The following NEU1 variants were observed in gnomAD, a reference collection of about 807,000 sequenced individuals.
NEU1 encodes sialidase-1.
In NEU1, 32 loss-of-function variants were observed where a neutral mutation model predicts 38.3. The observed-to-expected ratio is 0.84, with a 90% CI of 0.63 to 1.12. The LOEUF (loss-of-function observed/expected upper bound fraction) is 1.12, where lower values mean the gene tolerates loss of function less well. Ranked by LOEUF, NEU1 falls within the 50% of genes most tolerant of loss-of-function variation. The pLI is 0.00. For synonymous variants in NEU1, 192 were observed against 225.2 expected (o/e 0.85, Z 1.32); for missense variants, 431 against 549.2 (o/e 0.78, Z 2.15).
chr6:31,859,537 G>C lies in NEU1; in HGVS notation c.*182C>G, dbSNP rs760900427. On this transcript the variant is annotated 3_prime_UTR_variant, in exon 6 of 6. Transcript: ENST00000375631. Reference sequence around the variant, plus strand: ...AGGGCAGGACTTTTTTGTGGGAGAGGACGCCTAGCTTTCAGTCCTAAAGGA... The same window carrying C: ...AGGGCAGGACTTTTTTGTGGGAGAGCACGCCTAGCTTTCAGTCCTAAAGGA... 1 of 697,492 alleles carries C rather than the reference G, an allele frequency of 1.4e-6. No individual in the cohort carries two copies. Among genetic ancestry groups the C allele is most frequent in the African/African-American group, 1.8e-5 (1 of 56,884 alleles). 43.2% of individuals were successfully genotyped at this position (697,492 alleles called of 1,614,324 possible). A position where few individuals can be genotyped will look rare whatever the true frequency, so the allele number is the denominator to read the frequency against.
At position 31,862,532 on chromosome 6, in the gene NEU1, T is replaced by C; in HGVS notation, c.159+86A>G. ...AAGAAAAGGGTCCTGTCGCGGAAAG[T>C]CGGCTCAGCCGCCCGCGTTCCGGGG... On this transcript the variant is annotated intron_variant, in intron 1 of 5. Coordinates refer to ENST00000375631, the MANE Select transcript of NEU1 (RefSeq NM_000434.4). The surrounding 1 kb of genome is among the most constrained non-coding windows in gnomAD (Gnocchi z 6.3). The C allele has an allele frequency of 6.3e-7, 1 of 1,595,266 alleles. No individual in the cohort carries two copies. The highest frequency in any genetic ancestry group is 8.6e-7 in the Non-Finnish European group (1 of 1,164,620).
chr6:31,860,687 C>A lies in NEU1; in HGVS notation c.616-66G>T. The A allele has an allele frequency of 6.4e-7, 1 of 1,553,698 alleles. No individual in the cohort carries two copies. Among genetic ancestry groups the A allele is most frequent in the Non-Finnish European group, 8.9e-7 (1 of 1,128,394 alleles). ...GGGGCTCAGAGGCAGGGACAGAGAA[C>A]CCACCACTTCCCAAATGCAATCACA... is the stretch of plus-strand genomic sequence containing the variant. On this transcript the variant is annotated intron_variant, in intron 3 of 5. Transcript: ENST00000375631. The surrounding 1 kb of genome is among the most constrained non-coding windows in gnomAD (Gnocchi z 4.8).
rs1399162352 is a variant in NEU1, at chr6:31,861,316, C to T, written c.487G>A (p.Gly163Ser). The change falls in exon 3 of 6, where the codon GGC becomes AGC. Residue 163 changes from glycine (G) to serine (S), a missense_variant. Physicochemically the swap from Gly to Ser is moderately conservative, Grantham distance 56. Coordinates refer to ENST00000375631, the MANE Select transcript of NEU1 (RefSeq NM_000434.4). The stretch of plus-strand genomic sequence containing the variant: ...AACATGGTAGAGGCCACCTGGCAGC[C>T]GGCCTTGTGAGCACAAAGGGAGTAG... ...LFYSLCAHKA[G>S]CQVASTMLVW... 7 of 1,613,036 alleles carry T rather than the reference C, an allele frequency of 4.3e-6. No individual in the cohort carries two copies. The highest frequency in any genetic ancestry group is 1.7e-4 in the Middle Eastern group (1 of 6,058).
In NEU1 at chr6:31,862,541, C is replaced by A; in HGVS notation, c.159+77G>T. The A allele has an allele frequency of 6.2e-7, 1 of 1,604,486 alleles. No homozygotes were observed. Among genetic ancestry groups the A allele is most frequent in the Non-Finnish European group, 8.5e-7 (1 of 1,172,650 alleles). On this transcript the variant is annotated intron_variant, in intron 1 of 5. Transcript: ENST00000375631. The surrounding 1 kb of genome is among the most constrained non-coding windows in gnomAD (Gnocchi z 6.3). ...GTCCTGTCGCGGAAAGTCGGCTCAG[C>A]CGCCCGCGTTCCGGGGGACACTAGG...
intron 2 of NEU1, chr6:31,861,688 A>G (rs1192040205): frequency 3.2e-6 from 2 of 630,038 alleles, no homozygotes; most frequent in South Asian, 2.0e-5. Context: ...GTCTCCTTCC[A>G]GTACAATTTA....
At position 31,860,154 on chromosome 6, in the gene NEU1, C is replaced by A. The variant is rs1762450219; in HGVS notation, c.909G>T (p.Arg303Ser). Residue 303 changes from arginine to serine, a missense_variant, in exon 5 of 6, where the codon AGG becomes AGT. Coordinates refer to ENST00000375631, the MANE Select transcript of NEU1 (RefSeq NM_000434.4). The surrounding 1 kb of genome is among the most constrained non-coding windows in gnomAD (Gnocchi z 4.8). ...CAGGGTCGAAGGTCACATCACGGGG[C>A]CTTAGTGTATCACAGGCATCATAGC... ...LRSYDACDTL[R>S]PRDVTFDPEL... 6.2e-7 allele frequency: 1 copy of A among 1,612,876 alleles called. No individual in the cohort carries two copies. The highest frequency in any genetic ancestry group is 1.3e-5 in the African/African-American group (1 of 74,896).
rs1473445068 is a variant in NEU1 at position 31,859,916 on chromosome 6, T to C, written c.1051A>G (p.Ser351Gly). The change falls in exon 6 of 6, where the codon AGC (serine) becomes GGC (glycine). Residue 351 changes from serine (S) to glycine (G), a missense_variant. Coordinates refer to ENST00000375631, the MANE Select transcript of NEU1 (RefSeq NM_000434.4). ...TCTTTCCGCCATGAGGTACCATTGC[T>C]GAAGCTCCATCGCAGGGTCAGGTTC... ...RVNLTLRWSF[S>G]NGTSWRKETV... The C allele has an allele frequency of 2.5e-6, 4 of 1,612,948 alleles. No homozygotes were observed. The highest frequency in any genetic ancestry group is 2.5e-6 in the Non-Finnish European group (3 of 1,180,040).
Position 31,860,300 on chromosome 6 carries a change from G to A in NEU1, c.799-36C>T. 1 of 1,610,792 alleles carries A rather than the reference G, an allele frequency of 6.2e-7. No homozygotes were observed. Among genetic ancestry groups the A allele is most frequent in the East Asian group, 2.2e-5 (1 of 44,860 alleles). On this transcript the variant is annotated intron_variant, in intron 4 of 5. Transcript: ENST00000375631. The surrounding 1 kb of genome is among the most constrained non-coding windows in gnomAD (Gnocchi z 4.8). ...AGGACAGGACCTCAGGGAGGGAACAGGGAAAATGCCCTGTCCCCGAGGGGA... is the reference window on the plus strand; with the variant it reads ...AGGACAGGACCTCAGGGAGGGAACAAGGAAAATGCCCTGTCCCCGAGGGGA...
At chr6:31,861,603 C>T (rs1342934441) in intron 2 of NEU1, 153 bp from the exon 3 acceptor site, 18 of 892,952 alleles carry the variant, frequency 2.0e-5, no homozygotes, top group Non-Finnish European at 2.9e-5. Context: ...TACCTCTTGT[C>T]CTGTTTTATT....
In NEU1 at chr6:31,861,349, A is replaced by ATACT; in HGVS notation, c.450_453dup (p.Phe152SerfsTer27). On this transcript the variant is annotated frameshift_variant, in exon 3 of 6. Coordinates refer to ENST00000375631, the MANE Select transcript of NEU1 (RefSeq NM_000434.4). LOFTEE classifies it high-confidence loss of function. ...TGAGCACAAAGGGAGTAGAAAAGAAATACTACTCCTGTCTCAACATCGCTC... is the reference window on the plus strand; with the variant it reads ...TGAGCACAAAGGGAGTAGAAAAGAAATACTTACTACTCCTGTCTCAACATCGCTC... 1 of 1,612,996 alleles carries ATACT rather than the reference A, an allele frequency of 6.2e-7. No individual in the cohort carries two copies. The highest frequency in any genetic ancestry group is 1.1e-5 in the South Asian group (1 of 91,088).
In NEU1 at chr6:31,858,893, T is replaced by C. The variant is rs1267894377; in HGVS notation, c.*826A>G. Reference sequence around the variant, plus strand: ...AAAAATTAACCAGGCATGGTGTCACTGACCTGTAGTCCCAACTACTCCGGA... The same window carrying C: ...AAAAATTAACCAGGCATGGTGTCACCGACCTGTAGTCCCAACTACTCCGGA... On this transcript the variant is annotated 3_prime_UTR_variant, in exon 6 of 6. Transcript: ENST00000375631. 6.6e-6 allele frequency: 1 copy of C among 151,408 alleles called. No individual in the cohort carries two copies. The highest frequency in any genetic ancestry group is 1.5e-5 in the Non-Finnish European group (1 of 68,096). The allele number at this position is 151,408 out of a possible 1,614,324, so 9.4% of individuals were successfully genotyped here.
Position 31,862,198 on chromosome 6 carries a change from T to C in NEU1, c.160-7A>G, listed in dbSNP as rs536908396. On this transcript the variant is annotated splice_polypyrimidine_tract_variant and splice_region_variant and intron_variant, in intron 1 of 5. Transcript: ENST00000375631. The surrounding 1 kb of genome is among the most constrained non-coding windows in gnomAD (Gnocchi z 6.3). ...TGGTCACCAGCGGCTGCACCTGTCATGGGAGGAGGAAGGGTCAACAAAGAC... is the reference window on the plus strand; with the variant it reads ...TGGTCACCAGCGGCTGCACCTGTCACGGGAGGAGGAAGGGTCAACAAAGAC... The C allele has an allele frequency of 9.9e-6, 16 of 1,612,292 alleles. No homozygotes were observed. Among genetic ancestry groups the C allele is most frequent in the Non-Finnish European group, 1.4e-5 (16 of 1,179,876 alleles).
rs1762510559 is a variant in NEU1 at position 31,861,464 on chromosome 6, G to T, written c.353-14C>A. 1 of 1,612,592 alleles carries T rather than the reference G, an allele frequency of 6.2e-7. No homozygotes were observed. The highest frequency in any genetic ancestry group is 1.1e-5 in the South Asian group (1 of 91,090). ...ACCATGTGCTGCCTGAAAAAAATTGGAGGAAGAAACCCAGAGTGAGCACTC... is the reference window on the plus strand; with the variant it reads ...ACCATGTGCTGCCTGAAAAAAATTGTAGGAAGAAACCCAGAGTGAGCACTC... On this transcript the variant is annotated splice_polypyrimidine_tract_variant and intron_variant, in intron 2 of 5. Transcript: ENST00000375631.
In NEU1 at chr6:31,859,690, G is replaced by A. The variant is rs1263768659; in HGVS notation, c.*29C>T. The A allele has an allele frequency of 1.9e-6, 3 of 1,605,928 alleles. No individual in the cohort carries two copies. The African/African-American group carries it at 4.0e-5, about 21-fold the overall frequency. On this transcript the variant is annotated 3_prime_UTR_variant, in exon 6 of 6. Coordinates refer to ENST00000375631, the MANE Select transcript of NEU1 (RefSeq NM_000434.4). ...TGTTCCTGAAGGCAGAGTCCTGAAG[G>A]CAGAATACCCCTGTGGCAGTGGCAC...
intron 2 of NEU1, 27 bp from the exon 3 acceptor site, chr6:31,861,477 A>T: frequency 6.2e-7 from 1 of 1,612,652 alleles, no homozygotes; most frequent in Non-Finnish European, 8.5e-7. Context: ...GAAGAAACCC[A>T]GAGTGAGCAC....
In NEU1 at chr6:31,858,428, G is replaced by A. The variant is rs1562428863; in HGVS notation, c.*1291C>T. ...AGTTTGAGACCAGCCTGGCCAACAT[G>A]GTGAAACTCCGTCTCTACTAAAAAT... On this transcript the variant is annotated 3_prime_UTR_variant, in exon 6 of 6. Transcript: ENST00000375631. 1 of 151,914 alleles carries A rather than the reference G, an allele frequency of 6.6e-6. No individual in the cohort carries two copies. The allele number at this position is 151,914 out of a possible 1,614,324, so 9.4% of individuals were successfully genotyped here.
rs1362135199 is a variant in NEU1 at position 31,860,881 on chromosome 6, C to T, written c.616-260G>A. 6 of 619,790 alleles carry T rather than the reference C, an allele frequency of 9.7e-6. No individual in the cohort carries two copies. The highest frequency in any genetic ancestry group is 3.9e-5 in the South Asian group (2 of 50,802). The allele number at this position is 619,790 out of a possible 1,614,324, so 38.4% of individuals were successfully genotyped here. On this transcript the variant is annotated intron_variant, in intron 3 of 5. Transcript: ENST00000375631. The surrounding 1 kb of genome is among the most constrained non-coding windows in gnomAD (Gnocchi z 4.8). Reference sequence around the variant, plus strand: ...AGCTTAAACCCAACCTGTGCTCACTCGCCAAGCTGTGCACCCTGGCACAGG... The same window carrying T: ...AGCTTAAACCCAACCTGTGCTCACTTGCCAAGCTGTGCACCCTGGCACAGG...
chr6:31,860,487 G>A lies in NEU1; in HGVS notation c.750C>T (p.Pro250=), dbSNP rs1762465956. 1.9e-6 allele frequency: 3 copies of A among 1,613,974 alleles called. No individual in the cohort carries two copies. Among genetic ancestry groups the A allele is most frequent in the South Asian group, 1.1e-5 (1 of 91,092 alleles). ...CATTTTCCTGCTTGGGCTGACCGTA[G>A]GGGATGCCGCTGACCCCACTTCCGT... The part of the protein sequence containing the change: ...WRYGSGVSGI[P]YGQPKQENDF... The change falls in exon 4 of 6, where the codon CCC becomes CCT. Residue 250 remains proline, a synonymous_variant. Transcript: ENST00000375631. This position sits in a 1 kb window ranked among gnomAD's most constrained non-coding sequence, Gnocchi z 4.8.
At position 31,857,983 on chromosome 6, in the gene NEU1, G is replaced by GCCA. The variant is rs1171782733; in HGVS notation, c.*1733_*1735dup. On this transcript the variant is annotated 3_prime_UTR_variant, in exon 6 of 6. Coordinates refer to ENST00000375631, the MANE Select transcript of NEU1 (RefSeq NM_000434.4). The stretch of plus-strand genomic sequence containing the variant: ...TGGTTCAAGTGATTCTCCTGCCTCA[G>GCCA]CCACCTGAGTAGCTGGGACTATAAG... 6.6e-6 allele frequency: 1 copy of GCCA among 152,148 alleles called. No individual in the cohort carries two copies. The highest frequency in any genetic ancestry group is 1.5e-5 in the Non-Finnish European group (1 of 68,068). The allele number at this position is 152,148 out of a possible 1,614,324, so 9.4% of individuals were successfully genotyped here. A position where few individuals can be genotyped will look rare whatever the true frequency, so the allele number is the denominator to read the frequency against.
Sources: gnomAD v4.1 joint callset for allele counts on GRCh38, gnomAD v4.1.1 for gene constraint, Gnocchi (gnomAD v3.1) non-coding constraint, MANE v1.5 for transcripts, NCBI Gene and HGNC (gene_info 2026-07-23, HGNC 2026-07-21) for gene names.